Variants in SLC23A2 observed in about 807,000 individuals in gnomAD.
SLC23A2 encodes the protein Na(+)/L-ascorbic acid transporter 2.
SLC23A2 carries 36 observed loss-of-function variants against 73.3 expected under a neutral mutation model. The ratio of observed to expected loss-of-function variants is 0.49; its 90% CI spans 0.38 to 0.65. The LOEUF (loss-of-function observed/expected upper bound fraction) is 0.65, where lower values mean the gene tolerates loss of function less well. Ranked by LOEUF, SLC23A2 falls within the 30% of genes least tolerant of loss-of-function variation. SLC23A2 has a pLI of 0.00. For synonymous variants in SLC23A2, 343 were observed against 327.3 expected, an observed-to-expected ratio of 1.05 and a Z score of -0.52; for missense variants, 507 against 841.6, an observed-to-expected ratio of 0.60 and a Z score of 4.92.
intron 2 of SLC23A2, among the ~76,000 whole-genome samples, chr20:4,939,478 C>T (rs1452292701): frequency 6.6e-6 from 1 of 152,192 alleles, no homozygotes; most frequent in Non-Finnish European, 1.5e-5. Flanking sequence ...TCTCAGAGAA[C>T]CTACAATTAC....
intron 2 of SLC23A2, among the ~76,000 whole-genome samples, chr20:4,963,267 A>G (rs540266791): frequency 6.6e-6 from 1 of 152,316 alleles, no homozygotes; most frequent in South Asian, 2.1e-4. Context: ...TCTCAAGTTC[A>G]TGAAGCCAAC....
At chr20:4,937,971 C>T (rs1393476693) in intron 2 of SLC23A2, among the ~76,000 whole-genome samples, 2 of 151,980 alleles carry the variant, frequency 1.3e-5, no homozygotes, top group African/African-American at 4.8e-5. Flanking sequence ...CCCTAGCACA[C>T]ATCACCATGG....
intron 2 of SLC23A2, among the ~76,000 whole-genome samples, chr20:4,945,118 T>A (rs1386496073): frequency 6.6e-6 from 1 of 152,322 alleles, no homozygotes; most frequent in Non-Finnish European, 1.5e-5. Flanking sequence ...ATTCTGATGC[T>A]GATCCTAGCT....
rs1929739135 is a variant in SLC23A2 at position 4,857,028 on chromosome 20, G to T, written c.1897C>A (p.Leu633Ile). 1 of 1,614,068 alleles carries T rather than the reference G, an allele frequency of 6.2e-7. No homozygotes were observed. Among genetic ancestry groups the T allele is most frequent in the African/African-American group, 1.3e-5 (1 of 74,936 alleles). Residue 633 changes from leucine to isoleucine, a missense_variant, in exon 17 of 17, where the codon CTC becomes ATC. Leu to Ile is a conservative substitution (Grantham distance 5, BLOSUM62 2). This residue lies in a region of SLC23A2 where 168 missense variants were observed against 302.3 expected (regional missense o/e 0.56). Transcript: ENST00000338244. The surrounding 1 kb of genome is among the most constrained non-coding windows in gnomAD (Gnocchi z 4.0). Reference protein sequence around the residue: ...PTFVGYTWKGLRKSDNSRSSD... With the variant: ...PTFVGYTWKGIRKSDNSRSSD... ...CTCCGGCTGTTGTCGCTCTTCCTGA[G>T]GCCTTTCCATGTGTAGCCCACAAAG...
Position 4,902,666 on chromosome 20 carries a change from C to T in SLC23A2, c.208-108G>A, listed in dbSNP as rs72552225. 1.5e-3 allele frequency: 883 copies of T among 586,734 alleles called. 6 individuals carry two copies. The African/African-American group carries it at 0.015, about 10-fold the overall frequency. 36.3% of individuals were successfully genotyped at this position (586,734 alleles called of 1,614,324 possible). ...GAAAAACAACTTTATCAAGTGGTTG[C>T]CATCTTCCTGCAGTTTTGAGCCTTG... On this transcript the variant is annotated intron_variant, in intron 4 of 16. Coordinates refer to ENST00000338244, the MANE Select transcript of SLC23A2 (RefSeq NM_005116.6). This position sits in a 1 kb window ranked among gnomAD's most constrained non-coding sequence, Gnocchi z 4.0.
intron 1 of SLC23A2, among the ~76,000 whole-genome samples, chr20:4,989,187 C>T (rs1182305429): frequency 6.8e-6 from 1 of 147,796 alleles, no homozygotes; most frequent in Non-Finnish European, 1.5e-5. Context: ...TGCAATGAGC[C>T]GAGATCGCTG....
chr20:4,990,985 A>C (rs2087915140), intron 1 of SLC23A2, among the ~76,000 whole-genome samples: 4 of 151,810 alleles, frequency 2.6e-5, no homozygotes, highest in Admixed American at 1.3e-4. Flanking sequence ...AAAAAAAAAA[A>C]AAAAAACAAC....
chr20:4,944,791 T>C (rs1364353145), intron 2 of SLC23A2, among the ~76,000 whole-genome samples: 2 of 152,196 alleles, frequency 1.3e-5, no homozygotes, highest in African/African-American at 4.8e-5. Flanking sequence ...GGTTCAATGA[T>C]GAAGCACATT....
intron 1 of SLC23A2, among the ~76,000 whole-genome samples, chr20:4,988,906 G>C (rs926469869): frequency 6.6e-6 from 1 of 151,762 alleles, no homozygotes; most frequent in African/African-American, 2.4e-5. Flanking sequence ...GTGAGACTCT[G>C]TCAAGGAAAG....
chr20:4,904,931 T>C (rs1047106818), intron 4 of SLC23A2, among the ~76,000 whole-genome samples: 6 of 151,992 alleles, frequency 3.9e-5, no homozygotes, highest in Non-Finnish European at 8.8e-5. Context: ...CTAGCCAACA[T>C]GGTGAAACCC....
chr20:4,880,632 AG>A (rs889623614), intron 9 of SLC23A2, among the ~76,000 whole-genome samples: 4 of 152,098 alleles, frequency 2.6e-5, no homozygotes, highest in East Asian at 3.9e-4. Flanking sequence ...GAGAGGAAAC[AG>A]GAAGAGTCCA....
intron 1 of SLC23A2, among the ~76,000 whole-genome samples, chr20:4,980,009 T>C (rs1437767115): frequency 6.6e-6 from 1 of 151,718 alleles, no homozygotes; most frequent in Non-Finnish European, 1.5e-5. Flanking sequence ...CCAAACAAAA[T>C]ATAAATGGCC....
At chr20:4,963,506 C>T (rs1173491888) in intron 2 of SLC23A2, among the ~76,000 whole-genome samples, 1 of 151,202 alleles carries the variant, frequency 6.6e-6, no homozygotes, top group Admixed American at 6.6e-5. Flanking sequence ...CTCTGTGTTG[C>T]CAATAGGAAT....
chr20:4,935,182 G>A (rs181793493), intron 2 of SLC23A2, among the ~76,000 whole-genome samples: 10,262 of 102,978 alleles, frequency 0.1, 433 homozygotes, highest in Middle Eastern at 0.21. Flanking sequence ...GCGAGACTCC[G>A]TCTCAAAAAA....
rs138501870 is a variant in SLC23A2, at chr20:4,953,867, C to T, written c.-155+16926G>A. Among the ~76,000 whole-genome samples, 4 of 151,944 alleles carry T rather than the reference C, an allele frequency of 2.6e-5. No individual in the cohort carries two copies. In the East Asian group the frequency reaches 7.7e-4, roughly 29 times the overall value. On this transcript the variant is annotated intron_variant, in intron 2 of 16. Coordinates refer to ENST00000338244, the MANE Select transcript of SLC23A2 (RefSeq NM_005116.6). ...TTATGCCACTGCACACCAGCCTCAG[C>T]GACAGACAGAGACTGTCTCAAAAAT...
At chr20:4,972,249 T>C (rs867638293) in intron 1 of SLC23A2, among the ~76,000 whole-genome samples, 11 of 152,134 alleles carry the variant, frequency 7.2e-5, no homozygotes, top group African/African-American at 1.7e-4. Context: ...CATTTGTTCT[T>C]GGGCAAGTTA....
intron 1 of SLC23A2, among the ~76,000 whole-genome samples, chr20:4,997,701 T>A (rs578207648): frequency 6.6e-6 from 1 of 152,216 alleles, no homozygotes; most frequent in East Asian, 1.9e-4. Context: ...CATGGCTCAC[T>A]GCAGCCTCAA....
chr20:4,881,346 G>A (rs1425888805), intron 9 of SLC23A2, among the ~76,000 whole-genome samples: 1 of 152,188 alleles, frequency 6.6e-6, no homozygotes, highest in African/African-American at 2.4e-5. Flanking sequence ...GATTTCCTTG[G>A]GGGAAGTGCA....
intron 1 of SLC23A2, among the ~76,000 whole-genome samples, chr20:4,981,662 T>TTCCC (rs763393387): frequency 7.2e-5 from 11 of 151,882 alleles, no homozygotes; most frequent in Admixed American, 1.3e-4. Flanking sequence ...GGGTTGGCAA[T>TTCCC]TCCCTCCCTC....
Sources: allele counts gnomAD v4.1 joint callset (sites outside exome capture counted in the v4.1 genomes callset), GRCh38; gene constraint gnomAD v4.1.1; regional missense constraint gnomAD v4.1.1; non-coding constraint Gnocchi (gnomAD v3.1); transcripts MANE v1.5; gene names NCBI Gene and HGNC (gene_info 2026-07-23, HGNC 2026-07-21).